Variants in RIN3 observed in about 807,000 individuals in gnomAD.
RIN3 encodes the protein Ras and Rab interactor 3, also known as RAB5 interacting protein 3.
A neutral mutation model predicts 76.3 loss-of-function variants in RIN3; 54 were observed. The observed-to-expected ratio is 0.71, with a 90% confidence interval of 0.57 to 0.89. The LOEUF is 0.89. Among genes scored for constraint, RIN3 ranks in the 40% least tolerant of loss-of-function variants. The pLI, the probability that RIN3 is intolerant of heterozygous loss-of-function variation, is 0.00. For synonymous variants in RIN3, 576 were observed against 564.0 expected (o/e 1.02, Z -0.30); for missense variants, 1,256 against 1,322.1 (o/e 0.95, Z 0.78).
chr14:92,530,425 G>A (rs1896854432), intron 1 of RIN3, among the ~76,000 whole-genome samples: 2 of 152,096 alleles, frequency 1.3e-5, no homozygotes, highest in South Asian at 2.1e-4. Context: ...TAAAAAGCAG[G>A]GATTTTTCAC....
At chr14:92,587,290 G>C (rs1019352951) in intron 3 of RIN3, among the ~76,000 whole-genome samples, 3 of 152,230 alleles carry the variant, frequency 2.0e-5, no homozygotes, top group African/African-American at 7.2e-5. Flanking sequence ...TGGCCTTCCT[G>C]GCTGCCTAGG....
intron 1 of RIN3, among the ~76,000 whole-genome samples, chr14:92,517,492 G>A (rs1306703147): frequency 2.0e-5 from 3 of 152,126 alleles, no homozygotes; most frequent in African/African-American, 7.2e-5. Context: ...TGACACCCAA[G>A]GCCCCTTAAC....
At chr14:92,545,106 GTTTTTTTTT>G (rs540126016) in intron 1 of RIN3, among the ~76,000 whole-genome samples, 3 of 82,160 alleles carry the variant, frequency 3.7e-5, no homozygotes, top group Non-Finnish European at 6.6e-5. Flanking sequence ...ACTTTCTGGT[GTTTTTTTTT>G]TTTTTTTTTT....
chr14:92,678,411 C>T (rs2140171924), intron 8 of RIN3, among the ~76,000 whole-genome samples: 1 of 150,034 alleles, frequency 6.7e-6, no homozygotes, highest in African/African-American at 2.5e-5. Context: ...CATATTCGCC[C>T]ACCCTCCACA....
At position 92,628,499 on chromosome 14, in the gene RIN3, G is replaced by T. The variant is rs568060874; in HGVS notation, c.441-12739G>T. 4.7e-4 allele frequency among the ~76,000 whole-genome samples: 71 copies of T among 152,272 alleles called. 1 individual carries two copies. Among genetic ancestry groups the T allele is most frequent in the African/African-American group, 1.6e-3 (66 of 41,558 alleles). ...TCTCTGACCTTAGGTGGGCACTGGC[G>T]CCACTTTCCATGTGTTCCCTCCAGA... On this transcript the variant is annotated intron_variant, in intron 4 of 9. Transcript: ENST00000216487.
chr14:92,652,414 A>C lies in RIN3; in HGVS notation c.1365A>C (p.Gln455His). The C allele has an allele frequency of 1.2e-6, 2 of 1,609,822 alleles. No homozygotes were observed. Among genetic ancestry groups the C allele is most frequent in the Admixed American group, 1.7e-5 (1 of 59,620 alleles). The change falls in exon 6 of 10, where the codon CAA becomes CAC. Residue 455 changes from glutamine (Q) to histidine (H), a missense_variant. By Grantham distance (24) the Gln-to-His change is conservative. Around this residue, in one of 3 missense-constraint regions of RIN3, gnomAD observed 610 missense variants for 626.4 expected, o/e 0.97. Coordinates refer to ENST00000216487, the MANE Select transcript of RIN3 (RefSeq NM_024832.5). The surrounding 1 kb of genome is among the most constrained non-coding windows in gnomAD (Gnocchi z 6.4). Reference sequence around the variant, plus strand: ...CAGAGCTGCCCAGGACAGCCAAACAACCCCCAGTCCCGCCCCCCAGGAAAA... The same window carrying C: ...CAGAGCTGCCCAGGACAGCCAAACACCCCCCAGTCCCGCCCCCCAGGAAAA... ...SMPELPRTAK[Q>H]PPVPPPRKKR...
At chr14:92,642,670 G>A (rs1453437945) in intron 5 of RIN3, among the ~76,000 whole-genome samples, 1 of 152,114 alleles carries the variant, frequency 6.6e-6, no homozygotes, top group Admixed American at 6.5e-5. Context: ...AGGAAGTGAG[G>A]GGCAGACCTG....
intron 1 of RIN3, among the ~76,000 whole-genome samples, chr14:92,554,690 G>A (rs749461096): frequency 6.6e-6 from 1 of 152,228 alleles, no homozygotes; most frequent in Non-Finnish European, 1.5e-5. Context: ...GGAGGCCGAG[G>A]TGGGTGGGTC....
intron 4 of RIN3, among the ~76,000 whole-genome samples, chr14:92,634,241 A>AT (rs557510500): frequency 6.6e-6 from 1 of 151,472 alleles, no homozygotes; most frequent in East Asian, 1.9e-4. Context: ...TGCCCTGCTA[A>AT]TTTTTTTTAT....
chr14:92,542,081 C>T lies in RIN3; in HGVS notation c.45-13670C>T, dbSNP rs573800870. 3.9e-5 allele frequency among the ~76,000 whole-genome samples: 6 copies of T among 152,142 alleles called. No individual in the cohort carries two copies. The South Asian group carries it at 8.3e-4, about 21-fold the overall frequency. ...GCTGAGGCAGGAGGATTGCTTGAGT[C>T]GAGGAGTTTGAGACCAGCCTGGGCA... is the stretch of plus-strand genomic sequence containing the variant. On this transcript the variant is annotated intron_variant, in intron 1 of 9. Transcript: ENST00000216487.
chr14:92,583,969 T>TC (rs1884666342), intron 3 of RIN3, among the ~76,000 whole-genome samples: 1 of 152,162 alleles, frequency 6.6e-6, no homozygotes. Flanking sequence ...GAGGCAGAGC[T>TC]CCAGTGGTGA....
chr14:92,596,155 C>G (rs1268474428), intron 3 of RIN3, among the ~76,000 whole-genome samples: 1 of 152,140 alleles, frequency 6.6e-6, no homozygotes, highest in Non-Finnish European at 1.5e-5. Flanking sequence ...GAGGAATTTC[C>G]CCTGCTGGAA....
At chr14:92,664,902 G>A (rs1483060209) in intron 7 of RIN3, among the ~76,000 whole-genome samples, 3 of 152,148 alleles carry the variant, frequency 2.0e-5, no homozygotes, top group Admixed American at 6.5e-5. Context: ...GACCTAATAA[G>A]GTCCTTTTTA....
intron 2 of RIN3, among the ~76,000 whole-genome samples, chr14:92,561,145 T>TATTTATA (rs1566843415): frequency 2.2e-5 from 1 of 45,266 alleles, no homozygotes; most frequent in African/African-American, 7.1e-5. Flanking sequence ...TTATATATAT[T>TATTTATA]TTTATATATA....
intron 9 of RIN3, 92 bp from the exon 10 acceptor site, chr14:92,687,834 C>T: frequency 2.5e-6 from 3 of 1,201,428 alleles, no homozygotes; most frequent in South Asian, 1.6e-5. Flanking sequence ...CGCCCGCCAC[C>T]CGCTATCCAT....
intron 1 of RIN3, chr14:92,515,037 G>A (rs1052352956): frequency 2.6e-5 from 13 of 506,628 alleles, no homozygotes; most frequent in Non-Finnish European, 4.2e-5. Flanking sequence ...CCCATCTTGT[G>A]CAGTCCTGAA....
At chr14:92,682,641 A>G (rs747136609) in intron 8 of RIN3, among the ~76,000 whole-genome samples, 18 of 152,182 alleles carry the variant, frequency 1.2e-4, no homozygotes, top group Non-Finnish European at 2.5e-4. Context: ...CCAAAGGGAT[A>G]CATCCACTGA....
At chr14:92,535,334 C>CTTTTTTTTTTTTTTTTTTTTTTTTTTT (rs5810602) in intron 1 of RIN3, among the ~76,000 whole-genome samples, 1 of 130,024 alleles carries the variant, frequency 7.7e-6, no homozygotes, top group African/African-American at 3.0e-5. Context: ...TTCTTTCTTT[C>CTTTTTTTTTTTTTTTTTTTTTTTTTTT]TTTTTTTTTT....
At chr14:92,561,008 C>T (rs1426018370) in intron 2 of RIN3, among the ~76,000 whole-genome samples, 10 of 48,290 alleles carry the variant, frequency 2.1e-4, no homozygotes, top group African/African-American at 4.9e-4. Context: ...GCAACAAGAG[C>T]GAAACTCTGT....
Sources: allele counts gnomAD v4.1 joint callset (sites outside exome capture counted in the v4.1 genomes callset), GRCh38; gene constraint gnomAD v4.1.1; regional missense constraint gnomAD v4.1.1; non-coding constraint Gnocchi (gnomAD v3.1); transcripts MANE v1.5; gene names NCBI Gene and HGNC (gene_info 2026-07-23, HGNC 2026-07-21).